SLC15A5: variants seen among roughly 807,000 people sequenced by gnomAD.
SLC15A5 encodes solute carrier family 15 member 5.
SLC15A5 carries 58 observed loss-of-function variants against 56.1 expected under a neutral mutation model. The ratio of observed to expected loss-of-function variants is 1.03; its 90% CI spans 0.84 to 1.29. The LOEUF is 1.29. SLC15A5 is among the 50% of genes most tolerant of loss of function. The pLI is 0.00. For synonymous variants in SLC15A5, 264 were observed against 250.5 expected, an observed-to-expected ratio of 1.05 and a Z score of -0.51; for missense variants, 681 against 672.1, an observed-to-expected ratio of 1.01 and a Z score of -0.15.
At chr12:16,236,606 T>G (rs1289599098) in intron 5 of SLC15A5, among the ~76,000 whole-genome samples, 2 of 152,198 alleles carry the variant, frequency 1.3e-5, no homozygotes, top group Non-Finnish European at 2.9e-5. Context: ...TTTGACCAGC[T>G]GGGTAAGATT....
intron 5 of SLC15A5, among the ~76,000 whole-genome samples, chr12:16,236,312 G>A (rs1419297250): frequency 6.6e-6 from 1 of 152,198 alleles, no homozygotes; most frequent in African/African-American, 2.4e-5. Context: ...TTCTGGATTT[G>A]TAGTGAATTA....
chr12:16,267,733 C>CTTTTTT (rs1224683217), intron 2 of SLC15A5, among the ~76,000 whole-genome samples: 1 of 27,478 alleles, frequency 3.6e-5, no homozygotes, highest in Non-Finnish European at 6.3e-5. Flanking sequence ...CACCCCCCAC[C>CTTTTTT]TTTTTTTTTT....
chr12:16,199,290 T>G (rs1458000267), intron 7 of SLC15A5, among the ~76,000 whole-genome samples: 1 of 127,506 alleles, frequency 7.8e-6, no homozygotes, highest in Non-Finnish European at 1.6e-5. Flanking sequence ...GTCAGTCTCA[T>G]GTGTAGACTG....
chr12:16,244,505 A>C (rs1591653751), intron 4 of SLC15A5, 75 bp downstream of exon 4: 5 of 1,360,890 alleles, frequency 3.7e-6, no homozygotes, highest in Non-Finnish European at 5.0e-6. Flanking sequence ...TTGGGGAGAA[A>C]ATTCACCTTG....
chr12:16,189,712 G>T lies in SLC15A5; in HGVS notation c.1696C>A (p.Gln566Lys), dbSNP rs1306268240. 5.2e-6 allele frequency: 8 copies of T among 1,530,396 alleles called. No homozygotes were observed. The Admixed American group carries it at 1.2e-4, about 23-fold the overall frequency. 94.8% of individuals were successfully genotyped at this position (1,530,396 alleles called of 1,614,324 possible). ...EKSLKFYGSIQEFSSSIDLWE... is the reference protein window; with the variant it reads ...EKSLKFYGSIKEFSSSIDLWE... ...AGATCAATACTTGAAGAAAATTCCT[G>T]TATACTGCCATAAAATTTCAGAGAT... The change falls in exon 9 of 9, where the codon CAG (glutamine) becomes AAG (lysine). Residue 566 changes from glutamine (Q) to lysine (K), a missense_variant. Coordinates refer to ENST00000344941, the MANE Select transcript of SLC15A5 (RefSeq NM_001170798.1).
At chr12:16,206,835 T>C (rs1166450389) in intron 7 of SLC15A5, among the ~76,000 whole-genome samples, 1 of 152,200 alleles carries the variant, frequency 6.6e-6, no homozygotes, top group Non-Finnish European at 1.5e-5. Context: ...GGGAAATTGC[T>C]AGGCATTGTT....
chr12:16,189,339 A>G lies in SLC15A5; in HGVS notation c.*329T>C, dbSNP rs1245522667. On this transcript the variant is annotated 3_prime_UTR_variant, in exon 9 of 9. Transcript: ENST00000344941. ...TCTAATGACTCATTAAAACTCCAAA[A>G]AAAAGGTCATACGCTTTCAATGGCT... 1 of 168,370 alleles carries G rather than the reference A, an allele frequency of 5.9e-6. No individual in the cohort carries two copies. Among genetic ancestry groups the G allele is most frequent in the African/African-American group, 2.4e-5 (1 of 42,198 alleles). The allele number at this position is 168,370 out of a possible 1,614,324, so 10.4% of individuals were successfully genotyped here.
intron 8 of SLC15A5, among the ~76,000 whole-genome samples, chr12:16,191,577 C>T (rs1257609099): frequency 6.6e-6 from 1 of 151,916 alleles, no homozygotes; most frequent in African/African-American, 2.4e-5. Flanking sequence ...TAATGCTGTC[C>T]CTGGGACATC....
At position 16,272,731 on chromosome 12, in the gene SLC15A5, G is replaced by A; in HGVS notation, c.414C>T (p.Gly138=). ...VAFPLEDFYL[G]TYHAVNNIPK... is the part of the protein sequence containing the mutation. The stretch of plus-strand genomic sequence containing the variant: ...GTATGTTGTTAACTGCATGGTAAGT[G>A]CCCAGATAGAAATCTTCCAAGGGAA... Residue 138 remains glycine, a synonymous_variant, in exon 2 of 9, where the codon GGC becomes GGT. Transcript: ENST00000344941. The A allele has an allele frequency of 6.5e-7, 1 of 1,537,222 alleles. No homozygotes were observed. The highest frequency in any genetic ancestry group is 8.7e-7 in the Non-Finnish European group (1 of 1,146,732).
At chr12:16,194,228 G>T in intron 8 of SLC15A5, 117 bp downstream of exon 8, 1 of 572,398 alleles carries the variant, frequency 1.7e-6, no homozygotes, top group Non-Finnish European at 3.0e-6. Flanking sequence ...CTGTTGAATT[G>T]CTCTAATATT....
At chr12:16,222,385 C>G (rs988114641) in intron 6 of SLC15A5, among the ~76,000 whole-genome samples, 1 of 152,056 alleles carries the variant, frequency 6.6e-6, no homozygotes, top group African/African-American at 2.4e-5. Context: ...TTTGAAATAC[C>G]CTTTCATATG....
chr12:16,259,898 G>GGGA (rs905593084), intron 2 of SLC15A5, among the ~76,000 whole-genome samples: 2 of 47,282 alleles, frequency 4.2e-5, no homozygotes, highest in South Asian at 4.7e-4. Context: ...GACACCACCC[G>GGGA]GGCGGGGGGT....
chr12:16,215,231 C>CAAAAA (rs1864120381), intron 7 of SLC15A5, among the ~76,000 whole-genome samples: 2 of 25,826 alleles, frequency 7.7e-5, no homozygotes, highest in Admixed American at 4.4e-4. Context: ...AAAAAAAAAC[C>CAAAAA]AAAGTGAGGA....
chr12:16,214,987 G>A (rs1186228754), intron 7 of SLC15A5, among the ~76,000 whole-genome samples: 4 of 151,772 alleles, frequency 2.6e-5, no homozygotes, highest in Admixed American at 2.0e-4. Flanking sequence ...GGCGGATCAC[G>A]AGGTCAAGAG....
chr12:16,215,491 A>G (rs1379096845), intron 7 of SLC15A5, among the ~76,000 whole-genome samples: 2 of 152,202 alleles, frequency 1.3e-5, no homozygotes, highest in Non-Finnish European at 2.9e-5. Context: ...TCAGGTGTGA[A>G]TATAGGTAAG....
Position 16,271,427 on chromosome 12 carries a change from G to T in SLC15A5, c.584+1134C>A, listed in dbSNP as rs1315690386. On this transcript the variant is annotated intron_variant, in intron 2 of 8. Transcript: ENST00000344941. This position sits in a 1 kb window ranked among gnomAD's most constrained non-coding sequence, Gnocchi z 8.0. The stretch of plus-strand genomic sequence containing the variant: ...AGAAGGATTTTTCTTTCTCCTTTGG[G>T]CAGGTCAAGGAGGCAGAATTTGCTG... Among the ~76,000 whole-genome samples the T allele has an allele frequency of 6.6e-6, 1 of 152,110 alleles. No individual in the cohort carries two copies. Among genetic ancestry groups the T allele is most frequent in the Non-Finnish European group, 1.5e-5 (1 of 68,004 alleles).
At chr12:16,200,490 A>G (rs962925398) in intron 7 of SLC15A5, among the ~76,000 whole-genome samples, 2 of 152,080 alleles carry the variant, frequency 1.3e-5, no homozygotes, top group African/African-American at 4.8e-5. Flanking sequence ...CAAAGAAGAG[A>G]TGTAGAGAAT....
chr12:16,253,609 A>T (rs1015264426), intron 3 of SLC15A5, among the ~76,000 whole-genome samples: 1 of 152,096 alleles, frequency 6.6e-6, no homozygotes, highest in Non-Finnish European at 1.5e-5. Flanking sequence ...CGTGGCTCAC[A>T]CTTCTAATCC....
chr12:16,255,032 G>T (rs11056840), intron 3 of SLC15A5, among the ~76,000 whole-genome samples: 67,294 of 151,854 alleles, frequency 0.44, 15,105 homozygotes, highest in South Asian at 0.61. Flanking sequence ...TGAAATGATG[G>T]ATCTGCCAAT....
Sources: allele counts gnomAD v4.1 joint callset (sites outside exome capture counted in the v4.1 genomes callset), GRCh38; gene constraint gnomAD v4.1.1; non-coding constraint Gnocchi (gnomAD v3.1); transcripts MANE v1.5; gene names NCBI Gene and HGNC (gene_info 2026-07-23, HGNC 2026-07-21).